Variants in DVL1 observed in about 807,000 individuals in gnomAD.
The protein encoded by DVL1 is dishevelled segment polarity protein 1.
DVL1 carries 49 observed loss-of-function variants against 65.0 expected under a neutral mutation model. The observed-to-expected ratio is 0.75, with a 90% confidence interval of 0.60 to 0.96. DVL1 has a LOEUF of 0.96. Ranked by LOEUF, DVL1 falls within the 40% of genes least tolerant of loss-of-function variation. DVL1 has a pLI of 0.00. For missense variants in DVL1, 1,197 were observed against 1,045.4 expected, an observed-to-expected ratio of 1.15 and a Z score of -2.00; for synonymous variants, 608 against 433.9, an observed-to-expected ratio of 1.40 and a Z score of -4.99.
rs769677266 is a variant in DVL1, at chr1:1,340,149, G to A, written c.798C>T (p.Ile266=). 40 of 1,613,546 alleles carry A rather than the reference G, an allele frequency of 2.5e-5. 1 individual carries two copies. The highest frequency in any genetic ancestry group is 2.3e-4 in the South Asian group (21 of 91,080). The change falls in exon 8 of 15, where the codon ATC becomes ATT. Residue 266 remains isoleucine (I), a synonymous_variant. Coordinates refer to ENST00000378888, the MANE Select transcript of DVL1 (RefSeq NM_001330311.2). ...CTCCACGGTCGTTGCTCTGCCCCAC[G>A]ATGCTGATGCCCAGAAAGTGATGTC... The part of the protein sequence containing the change: ...MERHHFLGIS[I]VGQSNDRGDG...
Position 1,346,753 on chromosome 1 carries a change from G to A in DVL1, c.170+2143C>T, listed in dbSNP as rs751797208. Among the ~76,000 whole-genome samples, 5 of 152,196 alleles carry A rather than the reference G, an allele frequency of 3.3e-5. No individual in the cohort carries two copies. In the South Asian group the frequency reaches 8.3e-4, roughly 25 times the overall value. ...GGCTGAGAATGCAGCGGGGGCTGGC[G>A]CAGGAACCCCCGACTCACCAGGGCC... On this transcript the variant is annotated intron_variant, in intron 1 of 14. Transcript: ENST00000378888.
chr1:1,336,882 T>G, intron 14 of DVL1: 2 of 621,886 alleles, frequency 3.2e-6, no homozygotes, highest in African/African-American at 2.0e-5. Context: ...AAGGCCCCAC[T>G]GTCCCCCCGG....
chr1:1,344,172 C>A (rs547514531), intron 1 of DVL1, among the ~76,000 whole-genome samples: 124 of 152,252 alleles, frequency 8.1e-4, no homozygotes, highest in African/African-American at 2.9e-3. Flanking sequence ...AGGATCTGGA[C>A]GCCGCCTCGT....
At chr1:1,344,481 A>G (rs1643889869) in intron 1 of DVL1, among the ~76,000 whole-genome samples, 1 of 152,068 alleles carries the variant, frequency 6.6e-6, no homozygotes, top group Non-Finnish European at 1.5e-5. Flanking sequence ...AGAGGCCCCA[A>G]GCCTCAGGGC....
chr1:1,335,970 G>C lies in DVL1; in HGVS notation c.*172C>G, dbSNP rs971058623. The C allele has an allele frequency of 3.3e-5, 28 of 843,340 alleles. No individual in the cohort carries two copies. The African/African-American group carries it at 3.8e-4, about 11-fold the overall frequency. The allele number at this position is 843,340 out of a possible 1,614,324, so 52.2% of individuals were successfully genotyped here. ...CCCCCAACACGGCTGCTCAGACACA[G>C]GTGCTGTCAGGAGCTGGAGCAGCCA... On this transcript the variant is annotated 3_prime_UTR_variant, in exon 15 of 15. Coordinates refer to ENST00000378888, the MANE Select transcript of DVL1 (RefSeq NM_001330311.2).
rs760294970 is a variant in DVL1 at position 1,340,183 on chromosome 1, G to A, written c.770-6C>T. ...GCCCAGAAAGTGATGTCTTTCTGCA[G>A]GAAGAGCCATGAGCCGCGGCCAAGC... is the stretch of plus-strand genomic sequence containing the variant. On this transcript the variant is annotated splice_polypyrimidine_tract_variant and splice_region_variant and intron_variant, in intron 7 of 14. Coordinates refer to ENST00000378888, the MANE Select transcript of DVL1 (RefSeq NM_001330311.2). 6.4e-5 allele frequency: 104 copies of A among 1,613,608 alleles called. No individual in the cohort carries two copies. The Admixed American group carries it at 1.7e-3, about 26-fold the overall frequency.
In DVL1 at chr1:1,342,738, A is replaced by G. The variant is rs2100752993; in HGVS notation, c.191T>C (p.Phe64Ser). Reference protein sequence around the residue: ...QDFGVVKEEIFDDNAKLPCFN... With the variant: ...QDFGVVKEEISDDNAKLPCFN... ...GCAGGGAAGCTTGGCATTGTCATCAAAGATCTCCTCCTTCACCACCCTGTG... is the reference window on the plus strand; with the variant it reads ...GCAGGGAAGCTTGGCATTGTCATCAGAGATCTCCTCCTTCACCACCCTGTG... The change falls in exon 2 of 15, where the codon TTT (phenylalanine) becomes TCT (serine). Residue 64 changes from phenylalanine (F) to serine (S), a missense_variant. Phe to Ser is a radical substitution (Grantham distance 155, BLOSUM62 -2). Transcript: ENST00000378888. The G allele has an allele frequency of 6.2e-7, 1 of 1,613,034 alleles. No homozygotes were observed. Among genetic ancestry groups the G allele is most frequent in the East Asian group, 2.2e-5 (1 of 44,880 alleles).
At position 1,339,426 on chromosome 1, in the gene DVL1, C is replaced by G; in HGVS notation, c.1068G>C (p.Arg356=). ...ACAGCCAGGCGGCGGGGTCGATGGG[C>G]CGCACCGGGTCAGCTGGGTGGCCGC... The part of the protein sequence containing the change: ...YFTVPRADPV[R]PIDPAAWLSH... The change falls in exon 11 of 15, where the codon CGG becomes CGC. Residue 356 remains arginine, a synonymous_variant. Transcript: ENST00000378888. 1 of 1,548,598 alleles carries G rather than the reference C, an allele frequency of 6.5e-7. No homozygotes were observed. Among genetic ancestry groups the G allele is most frequent in the Non-Finnish European group, 8.7e-7 (1 of 1,146,240 alleles).
intron 14 of DVL1, chr1:1,337,767 T>C (rs763689553): frequency 1.1e-4 from 78 of 701,286 alleles, no homozygotes; most frequent in Non-Finnish European, 1.6e-4. Context: ...GCACTTGCCT[T>C]TTCCAGAAGG....
intron 3 of DVL1, 94 bp from the exon 4 acceptor site, chr1:1,342,250 C>T: frequency 6.7e-7 from 1 of 1,497,768 alleles, no homozygotes; most frequent in Admixed American, 2.0e-5. Flanking sequence ...GGACCCCAGC[C>T]CCAGCAGGTG....
intron 1 of DVL1, among the ~76,000 whole-genome samples, chr1:1,346,573 T>C (rs1453097983): frequency 6.6e-6 from 1 of 152,148 alleles, no homozygotes; most frequent in African/African-American, 2.4e-5. Context: ...GCATGAAAAG[T>C]GGAGGACAGG....
intron 5 of DVL1, among the ~76,000 whole-genome samples, chr1:1,341,105 A>G (rs1037163337): frequency 9.9e-5 from 14 of 141,840 alleles, no homozygotes; most frequent in East Asian, 8.8e-4. Context: ...ACCTGCACAC[A>G]CCTGCACACG....
In DVL1 at chr1:1,340,223, C is replaced by G. The variant is rs370741915; in HGVS notation, c.769+24G>C. ...CGCGGCCAAGCCCCTGCCCCTGCCCCCAACCCTCGCCCCGAGGCCTCACCC... is the reference window on the plus strand; with the variant it reads ...CGCGGCCAAGCCCCTGCCCCTGCCCGCAACCCTCGCCCCGAGGCCTCACCC... On this transcript the variant is annotated intron_variant, in intron 7 of 14. Transcript: ENST00000378888. The G allele has an allele frequency of 7.4e-6, 12 of 1,613,720 alleles. No individual in the cohort carries two copies. In the African/African-American group the frequency reaches 1.3e-4, roughly 18 times the overall value.
At position 1,336,993 on chromosome 1, in the gene DVL1, G is replaced by A. The variant is rs1643599610; in HGVS notation, c.1715-478C>T. On this transcript the variant is annotated intron_variant, in intron 14 of 14. Coordinates refer to ENST00000378888, the MANE Select transcript of DVL1 (RefSeq NM_001330311.2). ...GTGGCTGGCTGGGGACATGCTGAGG[G>A]ACCCCGGGCGGGACCCTGGCTTACC... 4.0e-6 allele frequency: 4 copies of A among 991,256 alleles called. No individual in the cohort carries two copies. In the South Asian group the frequency reaches 1.4e-4, roughly 35 times the overall value. 61.4% of individuals were successfully genotyped at this position (991,256 alleles called of 1,614,324 possible).
At chr1:1,339,208 G>A in intron 11 of DVL1, 79 bp downstream of exon 11, 1 of 1,515,604 alleles carries the variant, frequency 6.6e-7, no homozygotes, top group South Asian at 1.2e-5. Flanking sequence ...GACGGCCACA[G>A]GCGGCCATGC....
In DVL1 at chr1:1,340,511, CA is replaced by C. The variant is rs1557668257; in HGVS notation, c.606-9del. On this transcript the variant is annotated splice_polypyrimidine_tract_variant and intron_variant, in intron 5 of 14. Coordinates refer to ENST00000378888, the MANE Select transcript of DVL1 (RefSeq NM_001330311.2). The stretch of plus-strand genomic sequence containing the variant: ...TCCGTGGAGCTGCTGAGCCTGGGAA[CA>C]GACTGTCAGAGCTCAGAGGAGCTGG... The C allele has an allele frequency of 3.8e-6, 6 of 1,593,502 alleles. No individual in the cohort carries two copies. The highest frequency in any genetic ancestry group is 5.1e-6 in the Non-Finnish European group (6 of 1,170,104).
rs1396276372 is a variant in DVL1 at position 1,337,893 on chromosome 1, G to A, written c.1714+84C>T. On this transcript the variant is annotated intron_variant, in intron 14 of 14. Transcript: ENST00000378888. ...GGGGGTGGAGCAGCAGCGGGGTGGGGTGGAACTGGGGGCGGAGCAGCAGTG... is the reference window on the plus strand; with the variant it reads ...GGGGGTGGAGCAGCAGCGGGGTGGGATGGAACTGGGGGCGGAGCAGCAGTG... 11 of 1,066,088 alleles carry A rather than the reference G, an allele frequency of 1.0e-5. No individual in the cohort carries two copies. The South Asian group carries it at 1.3e-4, about 12-fold the overall frequency. The allele number at this position is 1,066,088 out of a possible 1,614,324, so 66.0% of individuals were successfully genotyped here.
At chr1:1,347,967 C>A (rs1029086084) in intron 1 of DVL1, among the ~76,000 whole-genome samples, 9 of 152,220 alleles carry the variant, frequency 5.9e-5, no homozygotes, top group Non-Finnish European at 1.3e-4. Flanking sequence ...GAGGACCCTG[C>A]AACCACAGAA....
chr1:1,338,488 C>G (rs1356658865), intron 12 of DVL1, 34 bp downstream of exon 12: 1 of 1,611,248 alleles, frequency 6.2e-7, no homozygotes, highest in East Asian at 2.2e-5. Flanking sequence ...AGCCCTGCCC[C>G]TGGCACTATC....
Sources: gnomAD v4.1 joint callset for allele counts (sites outside exome capture counted in the v4.1 genomes callset) on GRCh38, gnomAD v4.1.1 for gene constraint, MANE v1.5 for transcripts, NCBI Gene and HGNC (gene_info 2026-07-23, HGNC 2026-07-21) for gene names.